RBFOX1: variants seen among roughly 807,000 people sequenced by gnomAD.
RBFOX1 encodes RNA binding protein fox-1 homolog 1.
In RBFOX1, 8 loss-of-function variants were observed where a neutral mutation model predicts 57.7. That is an observed-to-expected ratio of 0.14 (90% confidence interval 0.08 to 0.25). RBFOX1 has a LOEUF of 0.25. Among genes scored for constraint, RBFOX1 ranks in the 10% least tolerant of loss-of-function variants. The pLI, the probability that RBFOX1 is intolerant of heterozygous loss-of-function variation, is 1.00. For missense variants in RBFOX1, 611 were observed against 548.5 expected (o/e 1.11, Z -1.14); for synonymous variants, 326 against 222.4 (o/e 1.47, Z -4.15).
intron 3 of RBFOX1, among the ~76,000 whole-genome samples, chr16:6,952,908 G>A (rs1022700876): frequency 7.9e-5 from 12 of 152,102 alleles, no homozygotes; most frequent in African/African-American, 2.9e-4. Flanking sequence ...CCAGGTGGTG[G>A]AGGTTGCAGT....
chr16:7,399,076 C>T (rs1449384972), intron 4 of RBFOX1, among the ~76,000 whole-genome samples: 1 of 152,224 alleles, frequency 6.6e-6, no homozygotes, highest in Non-Finnish European at 1.5e-5. Flanking sequence ...CAAACCTCAG[C>T]ATCACGTAAT....
intron 14 of RBFOX1, among the ~76,000 whole-genome samples, chr16:7,691,484 G>A (rs1018357533): frequency 2.0e-5 from 3 of 151,822 alleles, no homozygotes; most frequent in African/African-American, 4.8e-5. Context: ...AGGAAAAGAG[G>A]AAGAAAGGAG....
In RBFOX1 at chr16:7,118,783, T is replaced by A. The variant is rs150519942; in HGVS notation, c.27+66685T>A. On this transcript the variant is annotated intron_variant, in intron 4 of 15. Transcript: ENST00000550418. ...CAAGAATTTGGTAAAATTGTACACA[T>A]AAGGACAGAATAGAAGCATTTAGCC... Among the ~76,000 whole-genome samples the A allele has an allele frequency of 1.9e-3, 288 of 152,108 alleles. 2 individuals are homozygous for A. The highest frequency in any genetic ancestry group is 6.5e-3 in the African/African-American group (271 of 41,490).
At chr16:6,233,383 C>G (rs2097480794) in intron 1 of RBFOX1, among the ~76,000 whole-genome samples, 1 of 152,038 alleles carries the variant, frequency 6.6e-6, no homozygotes, top group Non-Finnish European at 1.5e-5. Context: ...CGGGTGGTTG[C>G]AGTGGGGATC....
intron 1 of RBFOX1, among the ~76,000 whole-genome samples, chr16:6,113,476 G>A (rs543382975): frequency 6.6e-6 from 1 of 152,212 alleles, no homozygotes; most frequent in African/African-American, 2.4e-5. Context: ...GCAAGATTTT[G>A]TGTGGACTTG....
intron 3 of RBFOX1, among the ~76,000 whole-genome samples, chr16:7,001,736 G>T (rs1596558154): frequency 6.6e-6 from 1 of 152,000 alleles, no homozygotes. Flanking sequence ...GGATCACAGG[G>T]ATGCGTCAAC....
chr16:6,285,963 C>T (rs547767207), intron 1 of RBFOX1, among the ~76,000 whole-genome samples: 18 of 152,012 alleles, frequency 1.2e-4, no homozygotes, highest in Admixed American at 2.0e-4. Flanking sequence ...ACACAGTCGG[C>T]GGAGCGTTAT....
Position 5,701,846 on chromosome 16 carries a change from A to C in RBFOX1, c.318+102885A>C, listed in dbSNP as rs956183188. On this transcript the variant is annotated intron_variant, in intron 3 of 19. Transcript: ENST00000641259. ...GGCCAGTTCAGCCTTCCTGGACCTTAGGTTTAAATGCCCATTTTGAATGGT... is the reference window on the plus strand; with the variant it reads ...GGCCAGTTCAGCCTTCCTGGACCTTCGGTTTAAATGCCCATTTTGAATGGT... Among the ~76,000 whole-genome samples the C allele has an allele frequency of 3.9e-5, 6 of 152,180 alleles. 1 individual carries two copies. The South Asian group carries it at 1.2e-3, about 32-fold the overall frequency.
chr16:7,434,328 T>A (rs2098705410), intron 4 of RBFOX1, among the ~76,000 whole-genome samples: 1 of 151,904 alleles, frequency 6.6e-6, no homozygotes, highest in Non-Finnish European at 1.5e-5. Flanking sequence ...AAAAATTAGC[T>A]GGGCACAGTG....
chr16:6,323,455 G>C (rs2082034714), intron 2 of RBFOX1, among the ~76,000 whole-genome samples: 1 of 152,136 alleles, frequency 6.6e-6, no homozygotes, highest in African/African-American at 2.4e-5. Context: ...TGTATCCTTA[G>C]CACCTGTAAA....
intron 3 of RBFOX1, among the ~76,000 whole-genome samples, chr16:5,749,184 A>G (rs1254252487): frequency 1.3e-5 from 2 of 152,080 alleles, no homozygotes; most frequent in African/African-American, 2.4e-5. Context: ...AAGAATGTTG[A>G]ATATTGCCCC....
At position 7,225,019 on chromosome 16, in the gene RBFOX1, A is replaced by G. The variant is rs540445022; in HGVS notation, c.27+172921A>G. On this transcript the variant is annotated intron_variant, in intron 4 of 15. Coordinates refer to ENST00000550418, the MANE Select transcript of RBFOX1 (RefSeq NM_018723.4). ...CACTATGCTAAGACATTTTTGTGAC[A>G]TACTTCTCCTTAAGTTGTTGCCGGA... Among the ~76,000 whole-genome samples the G allele has an allele frequency of 5.3e-5, 8 of 152,318 alleles. 1 individual carries two copies. The highest frequency in any genetic ancestry group is 1.9e-4 in the African/African-American group (8 of 41,582).
chr16:7,332,187 G>T (rs918183024), intron 4 of RBFOX1, among the ~76,000 whole-genome samples: 1 of 152,154 alleles, frequency 6.6e-6, no homozygotes, highest in Non-Finnish European at 1.5e-5. Flanking sequence ...TGCCTTGTAC[G>T]AGCTATGTGA....
At chr16:7,181,457 G>T (rs67316480) in intron 4 of RBFOX1, among the ~76,000 whole-genome samples, 40,986 of 151,954 alleles carry the variant, frequency 0.27, 6,108 homozygotes, top group East Asian at 0.41. Flanking sequence ...AAGGCTAGTA[G>T]TAGAAAAGTA....
At chr16:6,769,504 C>G (rs562037183) in intron 3 of RBFOX1, among the ~76,000 whole-genome samples, 2 of 152,306 alleles carry the variant, frequency 1.3e-5, no homozygotes, top group Admixed American at 6.5e-5. Context: ...TATGTATATC[C>G]TTAATGGTTT....
At chr16:7,597,465 C>G in intron 9 of RBFOX1, 34 bp downstream of exon 9, 2 of 1,521,706 alleles carry the variant, frequency 1.3e-6, no homozygotes, top group South Asian at 1.2e-5. Context: ...AAGAAATTCT[C>G]TCTACTTCTG....
intron 3 of RBFOX1, among the ~76,000 whole-genome samples, chr16:6,919,519 A>C (rs555861905): frequency 6.6e-6 from 1 of 152,208 alleles, no homozygotes; most frequent in East Asian, 1.9e-4. Flanking sequence ...TTGAACCATG[A>C]AATCCCAAGA....
At chr16:6,446,831 C>T (rs960339119) in intron 2 of RBFOX1, among the ~76,000 whole-genome samples, 7 of 152,084 alleles carry the variant, frequency 4.6e-5, no homozygotes, top group Non-Finnish European at 7.4e-5. Flanking sequence ...ATTATGATTA[C>T]ATTACCTTTG....
intron 4 of RBFOX1, among the ~76,000 whole-genome samples, chr16:7,214,425 G>A (rs760473386): frequency 6.6e-6 from 1 of 151,978 alleles, no homozygotes; most frequent in African/African-American, 2.4e-5. Context: ...TGGGCAGACT[G>A]CTCCCTTCCT....
Sources: gnomAD v4.1 joint callset for allele counts (sites outside exome capture counted in the v4.1 genomes callset) on GRCh38, gnomAD v4.1.1 for gene constraint, MANE v1.5 for transcripts, NCBI Gene and HGNC (gene_info 2026-07-23, HGNC 2026-07-21) for gene names.